The following OLFM2 variants were observed in gnomAD, a reference collection of about 807,000 sequenced individuals.
OLFM2 encodes olfactomedin 2, also known as noelin-2.
In OLFM2, 20 loss-of-function variants were observed where a neutral mutation model predicts 43.9. The ratio of observed to expected loss-of-function variants is 0.46; its 90% CI spans 0.32 to 0.66. The LOEUF is 0.66. Ranked by LOEUF, OLFM2 falls within the 30% of genes least tolerant of loss-of-function variation. The pLI is 0.04. For synonymous variants in OLFM2, 268 were observed against 278.6 expected (o/e 0.96, Z 0.38); for missense variants, 416 against 643.6 (o/e 0.65, Z 3.83).
intron 1 of OLFM2, among the ~76,000 whole-genome samples, chr19:9,899,569 T>C (rs758360184): frequency 2.0e-5 from 3 of 152,106 alleles, no homozygotes; most frequent in Non-Finnish European, 4.4e-5. Context: ...CTTTTCTTTT[T>C]TGAGACAGAG....
chr19:9,861,587 C>G (rs992772381), intron 1 of OLFM2, among the ~76,000 whole-genome samples: 1 of 152,206 alleles, frequency 6.6e-6, no homozygotes, highest in Non-Finnish European at 1.5e-5. Flanking sequence ...CTTTGTTTCC[C>G]AAGCCATACT....
rs558198979 is a variant in OLFM2, at chr19:9,881,189, G to A, written c.64-20395C>T. Among the ~76,000 whole-genome samples, 3 of 152,270 alleles carry A rather than the reference G, an allele frequency of 2.0e-5. No homozygotes were observed. The South Asian group carries it at 6.2e-4, about 32-fold the overall frequency. On this transcript the variant is annotated intron_variant, in intron 1 of 5. Coordinates refer to ENST00000264833, the MANE Select transcript of OLFM2 (RefSeq NM_058164.4). ...TGGGATTACAGGCATGAGCCACTGTGCCCGGCAACCCCAGGGATTTTCAAC... is the reference window on the plus strand; with the variant it reads ...TGGGATTACAGGCATGAGCCACTGTACCCGGCAACCCCAGGGATTTTCAAC...
chr19:9,867,401 A>G (rs991440418), intron 1 of OLFM2, among the ~76,000 whole-genome samples: 4 of 152,138 alleles, frequency 2.6e-5, no homozygotes, highest in Admixed American at 6.6e-5. Context: ...AACAAAAAAA[A>G]ACAATTCCTG....
intron 1 of OLFM2, among the ~76,000 whole-genome samples, chr19:9,926,240 T>C (rs1341018864): frequency 2.6e-5 from 4 of 152,050 alleles, no homozygotes; most frequent in Non-Finnish European, 5.9e-5. Context: ...ACATGGAATA[T>C]GATTCAGCCT....
At chr19:9,935,796 C>A (rs1454945465) in intron 1 of OLFM2, among the ~76,000 whole-genome samples, 1 of 151,884 alleles carries the variant, frequency 6.6e-6, no homozygotes, top group African/African-American at 2.4e-5. Flanking sequence ...CCAACCACGA[C>A]ACAAAGACAC....
Position 9,893,262 on chromosome 19 carries a change from T to C in OLFM2, c.64-32468A>G, listed in dbSNP as rs996478990. Among the ~76,000 whole-genome samples the C allele has an allele frequency of 2.1e-4, 32 of 152,070 alleles. 1 individual carries two copies. The highest frequency in any genetic ancestry group is 7.7e-4 in the African/African-American group (32 of 41,372). Reference sequence around the variant, plus strand: ...TCACTGCAGCCTCCACCTCCCAGGTTCAAGTGATTCTCCCGCCTCAGCCTC... The same window carrying C: ...TCACTGCAGCCTCCACCTCCCAGGTCCAAGTGATTCTCCCGCCTCAGCCTC... On this transcript the variant is annotated intron_variant, in intron 1 of 5. Coordinates refer to ENST00000264833, the MANE Select transcript of OLFM2 (RefSeq NM_058164.4).
At chr19:9,871,910 C>T (rs2046445617) in intron 1 of OLFM2, among the ~76,000 whole-genome samples, 1 of 152,224 alleles carries the variant, frequency 6.6e-6, no homozygotes, top group South Asian at 2.1e-4. Flanking sequence ...CAAACACCTT[C>T]ACAGGTCTAC....
At chr19:9,895,674 C>T (rs2046677525) in intron 1 of OLFM2, among the ~76,000 whole-genome samples, 2 of 152,016 alleles carry the variant, frequency 1.3e-5, no homozygotes, top group Admixed American at 6.6e-5. Context: ...CTCGCTCTGT[C>T]GTCCAGGCTG....
intron 1 of OLFM2, among the ~76,000 whole-genome samples, chr19:9,901,114 A>G (rs1473282074): frequency 1.4e-5 from 2 of 145,034 alleles, no homozygotes; most frequent in African/African-American, 5.2e-5. Flanking sequence ...AAAAGGAAGG[A>G]AGGAAAGAAA....
chr19:9,860,630 C>T lies in OLFM2; in HGVS notation c.213+15G>A, dbSNP rs1371547142. 1.9e-6 allele frequency: 3 copies of T among 1,570,978 alleles called. No individual in the cohort carries two copies. The highest frequency in any genetic ancestry group is 2.6e-6 in the Non-Finnish European group (3 of 1,157,310). On this transcript the variant is annotated intron_variant, in intron 2 of 5. Coordinates refer to ENST00000264833, the MANE Select transcript of OLFM2 (RefSeq NM_058164.4). Reference sequence around the variant, plus strand: ...ATTTTCCCAGCTGCCCCCAGGGTACCTGGAAGGTTCTCACCTTCTCCATCA... The same window carrying T: ...ATTTTCCCAGCTGCCCCCAGGGTACTTGGAAGGTTCTCACCTTCTCCATCA...
chr19:9,861,135 G>A (rs901462061), intron 1 of OLFM2, among the ~76,000 whole-genome samples: 3 of 151,368 alleles, frequency 2.0e-5, no homozygotes, highest in Admixed American at 2.0e-4. Flanking sequence ...CCCAAACCTG[G>A]ACCTCCTCTC....
chr19:9,934,444 T>G (rs1440037200), intron 1 of OLFM2, among the ~76,000 whole-genome samples: 1 of 152,006 alleles, frequency 6.6e-6, no homozygotes, highest in African/African-American at 2.4e-5. Context: ...CCAATTGCAA[T>G]TCTGGCAGCA....
intron 1 of OLFM2, among the ~76,000 whole-genome samples, chr19:9,927,962 T>C (rs894509137): frequency 2.6e-5 from 4 of 151,936 alleles, no homozygotes; most frequent in Non-Finnish European, 5.9e-5. Context: ...CTTGGGAGGC[T>C]GAGGCAAGAG....
chr19:9,924,505 C>T (rs1267206544), intron 1 of OLFM2, among the ~76,000 whole-genome samples: 3 of 151,862 alleles, frequency 2.0e-5, no homozygotes, highest in Non-Finnish European at 4.4e-5. Context: ...GCCATCCTTC[C>T]GCCTTGGCCA....
chr19:9,931,014 A>C (rs935527151), intron 1 of OLFM2, among the ~76,000 whole-genome samples: 1 of 152,154 alleles, frequency 6.6e-6, no homozygotes, highest in African/African-American at 2.4e-5. Context: ...ACACAGACGC[A>C]CACAGTCCCT....
rs2046315151 is a variant in OLFM2, at chr19:9,856,111, G to GT, written c.687+695dup. Among the ~76,000 whole-genome samples, 1 of 152,066 alleles carries GT rather than the reference G, an allele frequency of 6.6e-6. No individual in the cohort carries two copies. The highest frequency in any genetic ancestry group is 6.6e-5 in the Admixed American group (1 of 15,266). On this transcript the variant is annotated intron_variant, in intron 5 of 5. Transcript: ENST00000264833. The surrounding 1 kb of genome is among the most constrained non-coding windows in gnomAD (Gnocchi z 4.0). The stretch of plus-strand genomic sequence containing the variant: ...TTTGTTGTTGTTTTTGTTTTGTTTT[G>GT]TTTTGAGACAGAGTTTCACTCGTGT...
In OLFM2 at chr19:9,857,961, A is replaced by G. The variant is rs1242803947; in HGVS notation, c.214-100T>C. ...TGGCAGGAACAGAGGCTGTACAAAC[A>G]CCACACCGACGAGGCCACCTTCTCC... On this transcript the variant is annotated intron_variant, in intron 2 of 5. Coordinates refer to ENST00000264833, the MANE Select transcript of OLFM2 (RefSeq NM_058164.4). This position sits in a 1 kb window ranked among gnomAD's most constrained non-coding sequence, Gnocchi z 5.7. 2.0e-6 allele frequency: 3 copies of G among 1,480,936 alleles called. No homozygotes were observed. The African/African-American group carries it at 4.1e-5, about 20-fold the overall frequency. 91.7% of individuals were successfully genotyped at this position (1,480,936 alleles called of 1,614,324 possible). A position where few individuals can be genotyped will look rare whatever the true frequency, so the allele number is the denominator to read the frequency against.
rs756808358 is a variant in OLFM2, at chr19:9,857,407, T to C, written c.436A>G (p.Ile146Val). The change falls in exon 4 of 6, where the codon ATT becomes GTT. Residue 146 changes from isoleucine (I) to valine (V), a missense_variant. Coordinates refer to ENST00000264833, the MANE Select transcript of OLFM2 (RefSeq NM_058164.4). This position sits in a 1 kb window ranked among gnomAD's most constrained non-coding sequence, Gnocchi z 5.7. ...CTCACCTCCTCCCGCAAGCGTACAATGGTCCGCGTGTCTGCCTTGTACTGC... is the reference window on the plus strand; with the variant it reads ...CTCACCTCCTCCCGCAAGCGTACAACGGTCCGCGTGTCTGCCTTGTACTGC... ...LEQYKADTRTIVRLREEVRNL... is the reference protein window; with the variant it reads ...LEQYKADTRTVVRLREEVRNL... 3 of 1,614,188 alleles carry C rather than the reference T, an allele frequency of 1.9e-6. No individual in the cohort carries two copies. Among genetic ancestry groups the C allele is most frequent in the Non-Finnish European group, 2.5e-6 (3 of 1,180,034 alleles).
chr19:9,926,460 G>A (rs1726515335), intron 1 of OLFM2, among the ~76,000 whole-genome samples: 1 of 151,356 alleles, frequency 6.6e-6, no homozygotes, highest in South Asian at 2.1e-4. Flanking sequence ...GCTGAGATGG[G>A]AGAATCGCTT....
Sources: gnomAD v4.1 joint callset for allele counts (sites outside exome capture counted in the v4.1 genomes callset) on GRCh38, gnomAD v4.1.1 for gene constraint, Gnocchi (gnomAD v3.1) non-coding constraint, MANE v1.5 for transcripts, NCBI Gene and HGNC (gene_info 2026-07-23, HGNC 2026-07-21) for gene names.